SPAG16: variants seen among roughly 807,000 people sequenced by gnomAD.
SPAG16 encodes sperm-associated antigen 16 protein.
Under a neutral mutation model 80.4 loss-of-function variants are expected in SPAG16, and 86 were observed. The ratio of observed to expected loss-of-function variants is 1.07; its 90% CI spans 0.90 to 1.28. The LOEUF (loss-of-function observed/expected upper bound fraction) is 1.28, where lower values mean the gene tolerates loss of function less well. Among genes scored for constraint, SPAG16 ranks in the 50% most tolerant of loss-of-function variants. The probability of loss-of-function intolerance (pLI) is 0.00; values close to 1 mark genes in which losing one functional copy is unlikely to be tolerated. For missense variants in SPAG16, 870 were observed against 765.3 expected (o/e 1.14, Z -1.61); for synonymous variants, 294 against 265.9 (o/e 1.11, Z -1.03).
At chr2:213,992,879 A>G (rs1039353589) in intron 12 of SPAG16, among the ~76,000 whole-genome samples, 1 of 152,234 alleles carries the variant, frequency 6.6e-6, no homozygotes, top group African/African-American at 2.4e-5. Context: ...CATCCTTACC[A>G]ACTTTCAGCC....
chr2:214,012,710 G>A (rs2047373423), intron 12 of SPAG16, among the ~76,000 whole-genome samples: 1 of 152,054 alleles, frequency 6.6e-6, no homozygotes, highest in South Asian at 2.1e-4. Flanking sequence ...TATAAATAAA[G>A]TTATTTAAGA....
chr2:213,932,353 C>T (rs1422432933), intron 12 of SPAG16, among the ~76,000 whole-genome samples: 12 of 151,342 alleles, frequency 7.9e-5, no homozygotes, highest in African/African-American at 2.9e-4. Flanking sequence ...GTAGCTGGGA[C>T]TATAGGCACG....
chr2:213,804,805 G>T (rs2071663604), intron 10 of SPAG16, among the ~76,000 whole-genome samples: 1 of 152,336 alleles, frequency 6.6e-6, no homozygotes, highest in South Asian at 2.1e-4. Context: ...AGAGAAGACG[G>T]ATGTGCCTGA....
chr2:213,418,889 C>T (rs1553521185), intron 9 of SPAG16, among the ~76,000 whole-genome samples: 1 of 152,112 alleles, frequency 6.6e-6, no homozygotes, highest in Non-Finnish European at 1.5e-5. Flanking sequence ...GGGAGCATTG[C>T]TTAGGGGCAC....
rs1029333383 is a variant in SPAG16, at chr2:213,411,977, T to G, written c.942+36858T>G. On this transcript the variant is annotated intron_variant, in intron 9 of 15. Transcript: ENST00000331683. ...GTTAGATATGGGTTCTAAATTTCTT[T>G]TCAAAGAATTAATATGTCAGTATGT... 2.6e-5 allele frequency among the ~76,000 whole-genome samples: 4 copies of G among 152,208 alleles called. No homozygotes were observed. In the South Asian group the frequency reaches 8.3e-4, roughly 32 times the overall value.
chr2:213,405,507 T>A (rs1255575368), intron 9 of SPAG16, among the ~76,000 whole-genome samples: 1 of 152,218 alleles, frequency 6.6e-6, no homozygotes, highest in Non-Finnish European at 1.5e-5. Context: ...TCTGGTTATT[T>A]TGAAATATAC....
chr2:213,566,193 T>G (rs1388820525), intron 10 of SPAG16, among the ~76,000 whole-genome samples: 1 of 152,160 alleles, frequency 6.6e-6, no homozygotes, highest in Non-Finnish European at 1.5e-5. Flanking sequence ...AGAAATTGTG[T>G]GGTTAGGTCG....
intron 10 of SPAG16, among the ~76,000 whole-genome samples, chr2:213,797,889 C>T (rs2071145479): frequency 6.6e-6 from 1 of 152,210 alleles, no homozygotes; most frequent in African/African-American, 2.4e-5. Context: ...ATATGAGAAA[C>T]TGGCAGACAG....
chr2:213,995,780 G>A (rs566606581), intron 12 of SPAG16, among the ~76,000 whole-genome samples: 1 of 152,288 alleles, frequency 6.6e-6, no homozygotes, highest in African/African-American at 2.4e-5. Flanking sequence ...ACCATCTTTG[G>A]ATGAAGGGTG....
intron 12 of SPAG16, among the ~76,000 whole-genome samples, chr2:214,009,858 G>A (rs549954293): frequency 5.9e-5 from 9 of 152,130 alleles, no homozygotes; most frequent in Non-Finnish European, 1.2e-4. Flanking sequence ...TTAGAAAACA[G>A]CTATCCCCCA....
intron 10 of SPAG16, among the ~76,000 whole-genome samples, chr2:213,720,569 C>T (rs981426203): frequency 6.0e-5 from 9 of 150,600 alleles, no homozygotes; most frequent in Admixed American, 5.9e-4. Context: ...ACCTGGGAGG[C>T]GGAGCTTGCA....
intron 15 of SPAG16, among the ~76,000 whole-genome samples, chr2:214,177,912 T>TAC (rs1168984684): frequency 2.3e-4 from 19 of 83,196 alleles, no homozygotes; most frequent in African/African-American, 1.1e-3. Flanking sequence ...TATATATATA[T>TAC]ATACATATAT....
Position 214,149,139 on chromosome 2 carries a change from G to A in SPAG16, c.1594-1G>A. 2 of 1,520,958 alleles carry A rather than the reference G, an allele frequency of 1.3e-6. No individual in the cohort carries two copies. The highest frequency in any genetic ancestry group is 3.6e-4 in the Middle Eastern group (2 of 5,566). 94.2% of individuals were successfully genotyped at this position (1,520,958 alleles called of 1,614,324 possible). A position where few individuals can be genotyped will look rare whatever the true frequency, so the allele number is the denominator to read the frequency against. On this transcript the variant is annotated splice_acceptor_variant, in intron 14 of 15. Transcript: ENST00000331683. LOFTEE classifies it high-confidence loss of function. ...ATTTTTGTTTATCTTATATTTTGAA[G>A]GGTCACATGATAGCATCCTGTGATG...
At chr2:213,346,769 G>T (rs1470370557) in intron 6 of SPAG16, among the ~76,000 whole-genome samples, 4 of 152,056 alleles carry the variant, frequency 2.6e-5, no homozygotes, top group African/African-American at 9.7e-5. Context: ...ATGTGCTGCT[G>T]GATTCGGTTT....
chr2:214,001,299 C>T (rs905123358), intron 12 of SPAG16, among the ~76,000 whole-genome samples: 2 of 152,038 alleles, frequency 1.3e-5, no homozygotes, highest in Non-Finnish European at 2.9e-5. Context: ...TTCTGTTGAC[C>T]TTTTCTATCT....
intron 15 of SPAG16, among the ~76,000 whole-genome samples, chr2:214,338,017 C>T (rs970263723): frequency 8.5e-5 from 13 of 152,152 alleles, no homozygotes; most frequent in African/African-American, 3.1e-4. Context: ...GCGGAAATAA[C>T]ATACTCTTTT....
chr2:214,204,488 A>G (rs949840846), intron 15 of SPAG16, among the ~76,000 whole-genome samples: 1 of 152,344 alleles, frequency 6.6e-6, no homozygotes, highest in East Asian at 1.9e-4. Flanking sequence ...ACCTGAAGAC[A>G]GTTCACATCA....
intron 10 of SPAG16, among the ~76,000 whole-genome samples, chr2:213,727,288 T>C (rs571558060): frequency 1.1e-4 from 16 of 152,264 alleles, no homozygotes; most frequent in South Asian, 2.1e-4. Flanking sequence ...CCTCCCTTCC[T>C]GGAGATTAAT....
At chr2:214,225,450 C>T (rs191805868) in intron 15 of SPAG16, among the ~76,000 whole-genome samples, 3 of 152,102 alleles carry the variant, frequency 2.0e-5, no homozygotes, top group Admixed American at 6.6e-5. Context: ...AAGGCAGGGA[C>T]ACATGGTTCT....
Sources: allele counts gnomAD v4.1 joint callset (sites outside exome capture counted in the v4.1 genomes callset), GRCh38; gene constraint gnomAD v4.1.1; transcripts MANE v1.5; gene names NCBI Gene and HGNC (gene_info 2026-07-23, HGNC 2026-07-21).